XPO6: variants seen among roughly 807,000 people sequenced by gnomAD.
The protein encoded by XPO6 is exportin 6.
In XPO6, 3 loss-of-function variants were observed where a neutral mutation model predicts 130.0. The observed-to-expected ratio is 0.02, with a 90% CI of 0.01 to 0.06. The LOEUF (loss-of-function observed/expected upper bound fraction) is 0.06. XPO6 is among the 10% of genes least tolerant of loss of function. The pLI is 1.00. For missense variants in XPO6, 970 were observed against 1,393.0 expected (o/e 0.70, Z 4.83); for synonymous variants, 524 against 548.9 (o/e 0.95, Z 0.63).
At chr16:28,168,649 T>A (rs1253542323) in intron 5 of XPO6, among the ~76,000 whole-genome samples, 1 of 151,258 alleles carries the variant, frequency 6.6e-6, no homozygotes, top group Non-Finnish European at 1.5e-5. Flanking sequence ...TCACCCAGGC[T>A]GGAGTGCAGT....
At chr16:28,197,702 G>A (rs1338989938) in intron 1 of XPO6, among the ~76,000 whole-genome samples, 1 of 151,728 alleles carries the variant, frequency 6.6e-6, no homozygotes, top group Non-Finnish European at 1.5e-5. Flanking sequence ...AGATCACGAG[G>A]TCAGGAGTTC....
intron 21 of XPO6, 61 bp from the exon 22 acceptor site, chr16:28,102,006 C>G: frequency 7.0e-7 from 1 of 1,435,220 alleles, no homozygotes; most frequent in Non-Finnish European, 9.7e-7. Flanking sequence ...AGCATCTACC[C>G]CATGTCAGAA....
Position 28,150,408 on chromosome 16 carries a change from A to C in XPO6, c.1224+2251T>G, listed in dbSNP as rs144859610. On this transcript the variant is annotated intron_variant, in intron 8 of 23. Transcript: ENST00000304658. ...TCAATTCGATGACACATAGGAGTCT[A>C]CTGAAAGAATCATAAAAAATAAGCC... 1.7e-3 allele frequency among the ~76,000 whole-genome samples: 258 copies of C among 152,288 alleles called. 2 individuals are homozygous for C. The highest frequency in any genetic ancestry group is 5.5e-3 in the African/African-American group (227 of 41,560).
intron 13 of XPO6, among the ~76,000 whole-genome samples, chr16:28,125,305 T>C (rs1473189615): frequency 3.3e-5 from 5 of 152,222 alleles, no homozygotes; most frequent in Non-Finnish European, 7.3e-5. Context: ...CTTTATCCTA[T>C]GAGGAAAGAC....
chr16:28,132,444 T>C lies in XPO6; in HGVS notation c.1537-41A>G. 1 of 1,409,404 alleles carries C rather than the reference T, an allele frequency of 7.1e-7. No individual in the cohort carries two copies. Among genetic ancestry groups the C allele is most frequent in the Non-Finnish European group, 9.9e-7 (1 of 1,014,472 alleles). The allele number at this position is 1,409,404 out of a possible 1,614,324, so 87.3% of individuals were successfully genotyped here. A position where few individuals can be genotyped will look rare whatever the true frequency, so the allele number is the denominator to read the frequency against. ...CAAAAACAACAAAAATTTTAAGCCA[T>C]AAATGCAAGTTTTAATAGCATTTTA... On this transcript the variant is annotated intron_variant, in intron 11 of 23. Coordinates refer to ENST00000304658, the MANE Select transcript of XPO6 (RefSeq NM_015171.4). This position sits in a 1 kb window ranked among gnomAD's most constrained non-coding sequence, Gnocchi z 4.0.
chr16:28,155,781 A>C, intron 7 of XPO6: 1 of 469,694 alleles, frequency 2.1e-6, no homozygotes, highest in African/African-American at 2.0e-5. Context: ...CCTGCAAGCA[A>C]ATAGTAAGGA....
intron 4 of XPO6, among the ~76,000 whole-genome samples, chr16:28,170,135 C>T (rs1356534551): frequency 6.6e-6 from 1 of 151,940 alleles, no homozygotes; most frequent in East Asian, 1.9e-4. Flanking sequence ...GAGTTAGAGA[C>T]CAGCCTGACC....
At chr16:28,102,701 C>T (rs1339669812) in intron 21 of XPO6, among the ~76,000 whole-genome samples, 1 of 152,156 alleles carries the variant, frequency 6.6e-6, no homozygotes, top group Non-Finnish European at 1.5e-5. Context: ...TCCTACCACT[C>T]ACTGCACTCC....
intron 6 of XPO6, among the ~76,000 whole-genome samples, chr16:28,157,626 C>A (rs548840280): frequency 3.3e-5 from 5 of 152,158 alleles, no homozygotes; most frequent in Admixed American, 6.5e-5. Context: ...AACACAACAA[C>A]CCCAGTACAA....
rs2043454763 is a variant in XPO6, at chr16:28,171,857, T to C, written c.406-1948A>G. Among the ~76,000 whole-genome samples, 3 of 152,200 alleles carry C rather than the reference T, an allele frequency of 2.0e-5. No individual in the cohort carries two copies. The South Asian group carries it at 6.2e-4, about 32-fold the overall frequency. ...AGCATCTCTTTCCATTTGGAGACCT[T>C]TGGCTTATCAGTCTATATTCTAAAA... On this transcript the variant is annotated intron_variant, in intron 4 of 23. Coordinates refer to ENST00000304658, the MANE Select transcript of XPO6 (RefSeq NM_015171.4).
In XPO6 at chr16:28,178,789, C is replaced by T. The variant is rs994104019; in HGVS notation, c.95-1457G>A. Among the ~76,000 whole-genome samples, 51 of 151,936 alleles carry T rather than the reference C, an allele frequency of 3.4e-4. 1 individual carries two copies. The highest frequency in any genetic ancestry group is 3.1e-3 in the Admixed American group (48 of 15,268). ...CAAAAAAAAAAAAACAAAAAAAGGC[C>T]GGGCCCATTGGCTCATGCCCGTTAA... On this transcript the variant is annotated intron_variant, in intron 2 of 23. Transcript: ENST00000304658.
At chr16:28,154,909 A>G (rs926392701) in intron 7 of XPO6, among the ~76,000 whole-genome samples, 5 of 152,234 alleles carry the variant, frequency 3.3e-5, no homozygotes, top group African/African-American at 1.2e-4. Context: ...AAAGAATATG[A>G]AAGTGTGAAT....
intron 14 of XPO6, among the ~76,000 whole-genome samples, chr16:28,119,715 A>C (rs768022103): frequency 6.6e-6 from 1 of 152,216 alleles, no homozygotes; most frequent in African/African-American, 2.4e-5. Flanking sequence ...AATATGGACT[A>C]TATATGAGAT....
chr16:28,133,989 C>T (rs1418669902), intron 10 of XPO6, 56 bp from the exon 11 acceptor site: 2 of 1,558,212 alleles, frequency 1.3e-6, no homozygotes, highest in Non-Finnish European at 1.8e-6. Flanking sequence ...TCTTCCTTGC[C>T]AACCTCAAGA....
At chr16:28,147,556 T>A (rs1375619294) in intron 8 of XPO6, among the ~76,000 whole-genome samples, 2 of 152,108 alleles carry the variant, frequency 1.3e-5, no homozygotes, top group Non-Finnish European at 2.9e-5. Context: ...AATGACCAAG[T>A]CCTGTCTCTA....
At chr16:28,121,447 A>C (rs1843234221) in intron 14 of XPO6, among the ~76,000 whole-genome samples, 1 of 152,172 alleles carries the variant, frequency 6.6e-6, no homozygotes, top group Non-Finnish European at 1.5e-5. Flanking sequence ...CCTACTCCAT[A>C]GAATCTCCAT....
At chr16:28,112,367 A>G (rs902240069) in intron 16 of XPO6, among the ~76,000 whole-genome samples, 1 of 152,212 alleles carries the variant, frequency 6.6e-6, no homozygotes, top group Non-Finnish European at 1.5e-5. Flanking sequence ...CAGGACTTGC[A>G]GGAGAATCCG....
At chr16:28,190,215 C>CTTTATTTT (rs1567646294) in intron 1 of XPO6, among the ~76,000 whole-genome samples, 1 of 136,272 alleles carries the variant, frequency 7.3e-6, no homozygotes, top group Non-Finnish European at 1.5e-5. Context: ...GCACCAGTTT[C>CTTTATTTT]TTTCTTTATT....
intron 8 of XPO6, among the ~76,000 whole-genome samples, chr16:28,148,341 G>A (rs1216502360): frequency 6.6e-6 from 1 of 152,214 alleles, no homozygotes; most frequent in Admixed American, 6.5e-5. Context: ...GAGGGCTTGT[G>A]CACTGCCCAC....
Sources: allele counts gnomAD v4.1 joint callset (sites outside exome capture counted in the v4.1 genomes callset), GRCh38; gene constraint gnomAD v4.1.1; non-coding constraint Gnocchi (gnomAD v3.1); transcripts MANE v1.5; gene names NCBI Gene and HGNC (gene_info 2026-07-23, HGNC 2026-07-21).